Variants in SMC5 observed in about 807,000 individuals in gnomAD.
SMC5 encodes structural maintenance of chromosomes 5.
In SMC5, 88 loss-of-function variants were observed where a neutral mutation model predicts 148.3. The ratio of observed to expected loss-of-function variants is 0.59; its 90% CI spans 0.50 to 0.71. The LOEUF is 0.71. Ranked by LOEUF, SMC5 falls within the 30% of genes least tolerant of loss-of-function variation. The probability of loss-of-function intolerance (pLI) is 0.00; values close to 1 mark genes in which losing one functional copy is unlikely to be tolerated. For missense variants in SMC5, 1,142 were observed against 1,298.9 expected, an observed-to-expected ratio of 0.88 and a Z score of 1.86; for synonymous variants, 421 against 432.8, an observed-to-expected ratio of 0.97 and a Z score of 0.34.
At chr9:70,265,790 A>G (rs2034273444) in intron 2 of SMC5, among the ~76,000 whole-genome samples, 1 of 152,220 alleles carries the variant, frequency 6.6e-6, no homozygotes, top group Non-Finnish European at 1.5e-5. Context: ...TTAAACACTG[A>G]CGAAAGTTTT....
chr9:70,315,453 G>A lies in SMC5; in HGVS notation c.1681G>A (p.Gly561Arg), dbSNP rs759492902. The change falls in exon 13 of 25, where the codon GGA becomes AGA. Residue 561 changes from glycine to arginine, a missense_variant. Physicochemically the swap from Gly to Arg is moderately radical, Grantham distance 125. This residue lies in a region of SMC5 where 743 missense variants were observed against 835.7 expected (regional missense o/e 0.89). Transcript: ENST00000361138. ...SRSLNELKQY[G>R]FFSYLRELFD... ...CAATACTTTTCCTTTCAGACAATAC[G>A]GATTTTTCTCTTATTTGAGAGAATT... The A allele has an allele frequency of 1.2e-5, 19 of 1,574,618 alleles. No homozygotes were observed. The highest frequency in any genetic ancestry group is 7.0e-5 in the Admixed American group (4 of 57,298).
At chr9:70,264,177 T>TA (rs541617449) in intron 1 of SMC5, 127 bp from the exon 2 acceptor site, 79 of 787,804 alleles carry the variant, frequency 1.0e-4, no homozygotes, top group South Asian at 1.3e-4. Context: ...TAAAAACCTA[T>TA]AAAAAAACAT....
intron 17 of SMC5, among the ~76,000 whole-genome samples, chr9:70,337,618 G>A (rs1395556484): frequency 1.3e-5 from 2 of 151,972 alleles, no homozygotes; most frequent in Non-Finnish European, 2.9e-5. Flanking sequence ...GCCACACCCT[G>A]CTAATTGGCT....
chr9:70,275,908 C>T (rs913717274), intron 3 of SMC5, among the ~76,000 whole-genome samples: 1 of 152,084 alleles, frequency 6.6e-6, no homozygotes, highest in Admixed American at 6.5e-5. Flanking sequence ...ATTAGGCTTT[C>T]TTAGTCATCC....
intron 8 of SMC5, among the ~76,000 whole-genome samples, chr9:70,292,810 A>AT (rs2035098711): frequency 6.6e-6 from 1 of 152,100 alleles, no homozygotes; most frequent in South Asian, 2.1e-4. Flanking sequence ...ATATTGATTG[A>AT]TTTTTGACTA....
At chr9:70,266,170 A>C (rs1213123889) in intron 2 of SMC5, among the ~76,000 whole-genome samples, 2 of 152,176 alleles carry the variant, frequency 1.3e-5, no homozygotes, top group East Asian at 3.8e-4. Flanking sequence ...TAAGATAGAA[A>C]TAATAAAAAA....
chr9:70,302,333 A>G (rs1192504749), intron 10 of SMC5, among the ~76,000 whole-genome samples: 1 of 152,064 alleles, frequency 6.6e-6, no homozygotes, highest in African/African-American at 2.4e-5. Flanking sequence ...ATCTCTACTA[A>G]AAATATAAAA....
At chr9:70,291,123 C>G (rs2035047868) in intron 8 of SMC5, among the ~76,000 whole-genome samples, 1 of 143,874 alleles carries the variant, frequency 7.0e-6, no homozygotes, top group Non-Finnish European at 1.5e-5. Flanking sequence ...TGTTTAGTGA[C>G]TTTCCTAGTT....
At chr9:70,263,696 G>T (rs1587611495) in intron 1 of SMC5, among the ~76,000 whole-genome samples, 1 of 152,186 alleles carries the variant, frequency 6.6e-6, no homozygotes, top group East Asian at 1.9e-4. Context: ...TGATGCCTAG[G>T]CTGGCTTTGA....
intron 17 of SMC5, among the ~76,000 whole-genome samples, chr9:70,339,645 G>A (rs2036464879): frequency 6.6e-6 from 1 of 152,116 alleles, no homozygotes; most frequent in Non-Finnish European, 1.5e-5. Context: ...TGAACACATG[G>A]CAGGTTGCTC....
At chr9:70,305,705 C>T (rs970578046) in intron 11 of SMC5, among the ~76,000 whole-genome samples, 21 of 152,022 alleles carry the variant, frequency 1.4e-4, no homozygotes, top group African/African-American at 4.8e-4. Context: ...TTGGAATGAA[C>T]TCAGTTTTAC....
intron 15 of SMC5, among the ~76,000 whole-genome samples, chr9:70,320,274 A>G (rs1386885413): frequency 6.6e-6 from 1 of 152,188 alleles, no homozygotes; most frequent in African/African-American, 2.4e-5. Flanking sequence ...AAAATATTCA[A>G]GAGGCCAGGT....
At chr9:70,337,116 G>C (rs2036377775) in intron 17 of SMC5, among the ~76,000 whole-genome samples, 1 of 152,284 alleles carries the variant, frequency 6.6e-6, no homozygotes, top group African/African-American at 2.4e-5. Flanking sequence ...CCAGGTCCCT[G>C]CCACAACACG....
chr9:70,279,349 A>G (rs2034681703), intron 5 of SMC5, among the ~76,000 whole-genome samples: 1 of 151,708 alleles, frequency 6.6e-6, no homozygotes, highest in Admixed American at 6.6e-5. Context: ...CCCTGTCTCT[A>G]CATGAAAAGA....
At chr9:70,296,572 A>G (rs1259415882) in intron 8 of SMC5, among the ~76,000 whole-genome samples, 2 of 151,990 alleles carry the variant, frequency 1.3e-5, no homozygotes, top group Non-Finnish European at 1.5e-5. Context: ...AAAAAGGTAA[A>G]AGTTTAAGGA....
At position 70,318,541 on chromosome 9, in the gene SMC5, A is replaced by G. The variant is rs774836266; in HGVS notation, c.1834A>G (p.Ile612Val). 4 of 1,609,616 alleles carry G rather than the reference A, an allele frequency of 2.5e-6. No homozygotes were observed. The South Asian group carries it at 4.4e-5, about 18-fold the overall frequency. The stretch of plus-strand genomic sequence containing the variant: ...AATACAAGAAACCCGATTAAAACAG[A>G]TTTATACAGCAGAAGAAAAGTATGT... ...RVIQETRLKQ[I>V]YTAEEKYVVK... Residue 612 changes from isoleucine to valine, a missense_variant, in exon 14 of 25, where the codon ATT (isoleucine) becomes GTT (valine). Physicochemically the swap from Ile to Val is conservative, Grantham distance 29. This residue lies in a region of SMC5 where 743 missense variants were observed against 835.7 expected (regional missense o/e 0.89). Coordinates refer to ENST00000361138, the MANE Select transcript of SMC5 (RefSeq NM_015110.4).
At chr9:70,346,796 C>A in intron 19 of SMC5, 147 bp downstream of exon 19, 1 of 844,780 alleles carries the variant, frequency 1.2e-6, no homozygotes, top group Admixed American at 2.4e-5. Flanking sequence ...CTTCTTTTCT[C>A]TAAATTCCTA....
At chr9:70,319,152 G>A (rs910222867) in intron 15 of SMC5, among the ~76,000 whole-genome samples, 189 bp downstream of exon 15, 1 of 152,154 alleles carries the variant, frequency 6.6e-6, no homozygotes, top group African/African-American at 2.4e-5. Flanking sequence ...AGTGTTGCAA[G>A]TTCTTCTGTT....
rs189966832 is a variant in SMC5 at position 70,277,700 on chromosome 9, A to G, written c.543+228A>G. 1.8e-3 allele frequency among the ~76,000 whole-genome samples: 272 copies of G among 152,224 alleles called. 3 individuals are homozygous for G. Among genetic ancestry groups the G allele is most frequent in the Middle Eastern group, 6.8e-3 (2 of 294 alleles). ...AAATTAGAGTATTTTGAAATAAAGTATTATTTTTGAAGTTCAGAGAGTGGC... is the reference window on the plus strand; with the variant it reads ...AAATTAGAGTATTTTGAAATAAAGTGTTATTTTTGAAGTTCAGAGAGTGGC... On this transcript the variant is annotated intron_variant, in intron 4 of 24. Transcript: ENST00000361138.
Sources: gnomAD v4.1 joint callset for allele counts (sites outside exome capture counted in the v4.1 genomes callset) on GRCh38, gnomAD v4.1.1 for gene constraint, gnomAD v4.1.1 regional missense constraint, MANE v1.5 for transcripts, NCBI Gene and HGNC (gene_info 2026-07-23, HGNC 2026-07-21) for gene names.